Variants in STARD13 observed in about 807,000 individuals in gnomAD.
STARD13 encodes the protein stAR-related lipid transfer protein 13.
A neutral mutation model predicts 106.4 loss-of-function variants in STARD13; 62 were observed. The observed-to-expected ratio is 0.58, with a 90% confidence interval of 0.48 to 0.72. STARD13 has a LOEUF of 0.72. STARD13 is among the 30% of genes least tolerant of loss of function. The pLI is 0.00. For synonymous variants in STARD13, 565 were observed against 553.0 expected (o/e 1.02, Z -0.31); for missense variants, 1,387 against 1,424.0 (o/e 0.97, Z 0.42).
the STARD13 span, among the ~76,000 whole-genome samples, chr13:33,379,436 T>C: frequency 6.6e-6 from 1 of 152,264 alleles, no homozygotes; most frequent in African/African-American, 2.4e-5. Flanking sequence ...ATGTAAATTA[T>C]ACTTTCATGT....
intron 8 of STARD13, among the ~76,000 whole-genome samples, chr13:33,117,182 C>T (rs1224162097): frequency 2.0e-5 from 3 of 152,228 alleles, no homozygotes; most frequent in African/African-American, 7.2e-5. Flanking sequence ...AATCTCCACT[C>T]ACTGCAACCT....
At chr13:33,431,378 C>A in the STARD13 span, among the ~76,000 whole-genome samples, 1 of 151,882 alleles carries the variant, frequency 6.6e-6, no homozygotes. Context: ...AGATACTGGG[C>A]TAAATAAAAT....
chr13:33,357,990 G>C, the STARD13 span, among the ~76,000 whole-genome samples: 310 of 152,036 alleles, frequency 2.0e-3, 9 homozygotes, highest in East Asian at 0.052. Context: ...GGAGAGGCAC[G>C]AGCGGGAACC....
the STARD13 span, among the ~76,000 whole-genome samples, chr13:33,551,466 A>ATAGAT: frequency 8.6e-5 from 13 of 151,772 alleles, no homozygotes; most frequent in Non-Finnish European, 1.6e-4. Flanking sequence ...TTATGAGTAA[A>ATAGAT]TAGATTAAAT....
the STARD13 span, among the ~76,000 whole-genome samples, chr13:33,488,325 C>T: frequency 1.3e-5 from 2 of 152,186 alleles, no homozygotes; most frequent in African/African-American, 4.8e-5. Flanking sequence ...TGTGCTTCTC[C>T]TCGGTGCTTT....
intron 1 of STARD13, among the ~76,000 whole-genome samples, chr13:33,171,630 C>T (rs903997638): frequency 2.6e-5 from 4 of 152,198 alleles, no homozygotes; most frequent in Non-Finnish European, 4.4e-5. Flanking sequence ...TGACCTGATT[C>T]TTAAGAGCAC....
intron 1 of STARD13, among the ~76,000 whole-genome samples, chr13:33,329,287 G>A (rs1263132987): frequency 1.3e-5 from 2 of 151,748 alleles, no homozygotes; most frequent in African/African-American, 2.4e-5. Context: ...TAGTTTTTAT[G>A]ACATATAAAA....
intron 2 of STARD13, among the ~76,000 whole-genome samples, chr13:33,166,669 G>C (rs1883344868): frequency 6.6e-6 from 1 of 152,136 alleles, no homozygotes; most frequent in African/African-American, 2.4e-5. Context: ...TAGATATAAG[G>C]GACATGAGTA....
chr13:33,267,742 G>A (rs970105133), intron 1 of STARD13, among the ~76,000 whole-genome samples: 2 of 152,224 alleles, frequency 1.3e-5, no homozygotes, highest in African/African-American at 2.4e-5. Context: ...TTGGCAAAAC[G>A]TAGTTAGATT....
chr13:33,123,889 T>C (rs949682754), intron 7 of STARD13, among the ~76,000 whole-genome samples: 2 of 152,162 alleles, frequency 1.3e-5, no homozygotes, highest in African/African-American at 4.8e-5. Context: ...TGGGAGAGTA[T>C]GGGGTGGTAC....
chr13:33,127,228 A>C, intron 6 of STARD13, 145 bp downstream of exon 6: 3 of 894,708 alleles, frequency 3.4e-6, no homozygotes, highest in Non-Finnish European at 4.7e-6. Context: ...AGGCTACGGC[A>C]GAGCTCATGC....
At chr13:33,335,567 G>A (rs770339019) in intron 1 of STARD13, among the ~76,000 whole-genome samples, 48 of 152,226 alleles carry the variant, frequency 3.2e-4, no homozygotes, top group Admixed American at 1.4e-3. Flanking sequence ...CCTTGCACAC[G>A]CCACTTAACC....
At chr13:33,379,828 A>G in the STARD13 span, among the ~76,000 whole-genome samples, 4 of 152,236 alleles carry the variant, frequency 2.6e-5, no homozygotes. Context: ...CTTTACTGTG[A>G]CAAGGCAGCA....
At chr13:33,163,575 G>A in intron 3 of STARD13, among the ~76,000 whole-genome samples, 1 of 96,760 alleles carries the variant, frequency 1.0e-5, no homozygotes, top group African/African-American at 3.7e-5. Flanking sequence ...GGGCGACAGA[G>A]CAAGACTCTG....
At chr13:33,578,546 T>A in the STARD13 span, among the ~76,000 whole-genome samples, 2 of 151,956 alleles carry the variant, frequency 1.3e-5, no homozygotes, top group Non-Finnish European at 1.5e-5. Context: ...CCATAAAAAA[T>A]TCTGTAAGAA....
intron 3 of STARD13, among the ~76,000 whole-genome samples, chr13:33,163,605 A>AAATAT (rs1555239808): frequency 1.3e-4 from 13 of 97,596 alleles, no homozygotes; most frequent in African/African-American, 3.9e-4. Context: ...AAAAAAAAAA[A>AAATAT]ATATATATAT....
chr13:33,149,127 G>A (rs1880931183), intron 3 of STARD13, among the ~76,000 whole-genome samples: 1 of 152,130 alleles, frequency 6.6e-6, no homozygotes, highest in South Asian at 2.1e-4. Context: ...TACTATAATG[G>A]TGGATGCATT....
chr13:33,428,698 C>A, the STARD13 span, among the ~76,000 whole-genome samples: 1 of 152,022 alleles, frequency 6.6e-6, no homozygotes, highest in East Asian at 1.9e-4. Flanking sequence ...GCAAAGGATA[C>A]AATTAACAAA....
chr13:33,524,072 CAT>C, the STARD13 span, among the ~76,000 whole-genome samples: 1 of 151,924 alleles, frequency 6.6e-6, no homozygotes, highest in Non-Finnish European at 1.5e-5. Context: ...CAAATTTTCT[CAT>C]GTTGTAATGA....
Sources: allele counts gnomAD v4.1 joint callset (sites outside exome capture counted in the v4.1 genomes callset), GRCh38; gene constraint gnomAD v4.1.1; transcripts MANE v1.5; gene names NCBI Gene and HGNC (gene_info 2026-07-23, HGNC 2026-07-21).